Variants in CACNB2 observed in about 807,000 individuals in gnomAD.
CACNB2 encodes voltage-dependent L-type calcium channel subunit beta-2.
Under a neutral mutation model 73.3 loss-of-function variants are expected in CACNB2, and 42 were observed. The ratio of observed to expected loss-of-function variants is 0.57; its 90% CI spans 0.45 to 0.74. The LOEUF (loss-of-function observed/expected upper bound fraction) is 0.74. Ranked by LOEUF, CACNB2 falls within the 30% of genes least tolerant of loss-of-function variation. CACNB2 has a pLI of 0.00. For synonymous variants in CACNB2, 348 were observed against 310.3 expected (o/e 1.12, Z -1.28); for missense variants, 940 against 853.0 (o/e 1.10, Z -1.27).
intron 2 of CACNB2, among the ~76,000 whole-genome samples, chr10:18,394,244 C>T (rs1057280600): frequency 6.6e-6 from 1 of 152,174 alleles, no homozygotes; most frequent in East Asian, 1.9e-4. Flanking sequence ...CCGTGAGCCA[C>T]TGCGCCTGGC....
At chr10:18,295,832 A>G (rs936561675) in intron 2 of CACNB2, among the ~76,000 whole-genome samples, 2 of 152,134 alleles carry the variant, frequency 1.3e-5, no homozygotes, top group African/African-American at 4.8e-5. Flanking sequence ...ACTAACAATG[A>G]CAATTAAACA....
At chr10:18,154,738 G>T (rs1273588680) in intron 2 of CACNB2, among the ~76,000 whole-genome samples, 1 of 152,160 alleles carries the variant, frequency 6.6e-6, no homozygotes, top group Admixed American at 6.5e-5. Context: ...AAAGTGCTGG[G>T]ATTACAGACA....
At chr10:18,184,459 A>G (rs1037127919) in intron 2 of CACNB2, among the ~76,000 whole-genome samples, 1 of 152,154 alleles carries the variant, frequency 6.6e-6, no homozygotes, top group African/African-American at 2.4e-5. Flanking sequence ...TTGTATAAGT[A>G]TGGTACCTTT....
At chr10:18,320,146 C>G (rs930325394) in intron 2 of CACNB2, among the ~76,000 whole-genome samples, 2 of 152,120 alleles carry the variant, frequency 1.3e-5, no homozygotes, top group African/African-American at 4.8e-5. Flanking sequence ...TGATATCTCA[C>G]CAGTTCGAAT....
rs1262139101 is a variant in CACNB2, at chr10:18,538,084, G to A, written c.1303-96G>A. The A allele has an allele frequency of 5.3e-6, 6 of 1,122,072 alleles. No individual in the cohort carries two copies. The African/African-American group carries it at 7.6e-5, about 14-fold the overall frequency. The allele number at this position is 1,122,072 out of a possible 1,614,324, so 69.5% of individuals were successfully genotyped here. A position where few individuals can be genotyped will look rare whatever the true frequency, so the allele number is the denominator to read the frequency against. On this transcript the variant is annotated intron_variant, in intron 12 of 13. Coordinates refer to ENST00000324631, the MANE Select transcript of CACNB2 (RefSeq NM_201596.3). ...ATAGAAGCAGGAGCAAGTACAAAGG[G>A]GTGCAGCTCATGAGCCCCTTCCTCC...
At chr10:18,177,193 T>A (rs2033644153) in intron 2 of CACNB2, among the ~76,000 whole-genome samples, 1 of 152,154 alleles carries the variant, frequency 6.6e-6, no homozygotes, top group East Asian at 1.9e-4. Context: ...AAAAAGTGAC[T>A]GAAGCAGATC....
intron 2 of CACNB2, among the ~76,000 whole-genome samples, chr10:18,237,766 A>G (rs890989073): frequency 6.6e-6 from 1 of 152,218 alleles, no homozygotes; most frequent in South Asian, 2.1e-4. Context: ...GCTTTGATTC[A>G]GTGTGATATA....
At chr10:18,336,377 G>C (rs1239537738) in intron 2 of CACNB2, among the ~76,000 whole-genome samples, 2 of 152,202 alleles carry the variant, frequency 1.3e-5, no homozygotes, top group Non-Finnish European at 2.9e-5. Flanking sequence ...CCCACACTTT[G>C]GGAGGCCAAG....
chr10:18,184,663 T>G (rs1327152250), intron 2 of CACNB2, among the ~76,000 whole-genome samples: 8 of 150,508 alleles, frequency 5.3e-5, no homozygotes, highest in Admixed American at 2.6e-4. Flanking sequence ...TTTTTTTTTT[T>G]TTTTTTTTTT....
intron 7 of CACNB2, chr10:18,514,903 C>G: frequency 1.1e-6 from 1 of 928,704 alleles, no homozygotes; most frequent in South Asian, 1.3e-5. Context: ...CTTATGATAT[C>G]CAGATACATA....
intron 1 of CACNB2, 29 bp from the exon 2 acceptor site, chr10:18,150,854 T>TC (rs771574530): frequency 8.6e-7 from 1 of 1,158,260 alleles, no homozygotes; most frequent in South Asian, 1.4e-5. Flanking sequence ...ATCTTATTTG[T>TC]CTTTTTTTTT....
chr10:18,253,979 C>A (rs1311509322), intron 2 of CACNB2, among the ~76,000 whole-genome samples: 2 of 152,142 alleles, frequency 1.3e-5, no homozygotes, highest in Admixed American at 6.5e-5. Flanking sequence ...AAATTTACAT[C>A]ATACGAAGCT....
chr10:18,437,348 G>C (rs2046187840), intron 3 of CACNB2, among the ~76,000 whole-genome samples: 1 of 147,944 alleles, frequency 6.8e-6, no homozygotes, highest in South Asian at 2.2e-4. Context: ...AGAGGTTATG[G>C]GCATGGACCC....
chr10:18,334,983 C>G (rs1006752386), intron 2 of CACNB2, among the ~76,000 whole-genome samples: 3 of 151,884 alleles, frequency 2.0e-5, no homozygotes, highest in Non-Finnish European at 4.4e-5. Context: ...GAAAATATAA[C>G]CAGAAAAATT....
At chr10:18,219,379 G>T (rs1222741860) in intron 2 of CACNB2, among the ~76,000 whole-genome samples, 1 of 152,220 alleles carries the variant, frequency 6.6e-6, no homozygotes, top group Admixed American at 6.5e-5. Flanking sequence ...TGATAATTCA[G>T]TTTCCATGTG....
chr10:18,308,356 T>C (rs1422109452), intron 2 of CACNB2, among the ~76,000 whole-genome samples: 3 of 152,110 alleles, frequency 2.0e-5, no homozygotes, highest in African/African-American at 7.2e-5. Flanking sequence ...GTTTGCTGTA[T>C]AGGGAAGGAT....
chr10:18,514,379 A>T lies in CACNB2; in HGVS notation c.804+10A>T. The T allele has an allele frequency of 6.2e-7, 1 of 1,614,122 alleles. No individual in the cohort carries two copies. Among genetic ancestry groups the T allele is most frequent in the Non-Finnish European group, 8.5e-7 (1 of 1,180,018 alleles). ...GCCCTTCTTTAAGAAGGTAACATTA[A>T]CTTCCAAGCTCCCATTGTCCACCTG... On this transcript the variant is annotated intron_variant, in intron 7 of 13. Coordinates refer to ENST00000324631, the MANE Select transcript of CACNB2 (RefSeq NM_201596.3).
intron 2 of CACNB2, among the ~76,000 whole-genome samples, chr10:18,362,134 G>T (rs973071547): frequency 6.6e-6 from 1 of 152,186 alleles, no homozygotes; most frequent in South Asian, 2.1e-4. Flanking sequence ...TTAACACTCA[G>T]TTTATCTAGC....
At chr10:18,487,130 C>A (rs1036303319) in intron 3 of CACNB2, among the ~76,000 whole-genome samples, 1 of 152,098 alleles carries the variant, frequency 6.6e-6, no homozygotes, top group Admixed American at 6.5e-5. Context: ...TGCTGGCCAG[C>A]CCACCCTAAT....
Sources: gnomAD v4.1 joint callset for allele counts (sites outside exome capture counted in the v4.1 genomes callset) on GRCh38, gnomAD v4.1.1 for gene constraint, MANE v1.5 for transcripts, NCBI Gene and HGNC (gene_info 2026-07-23, HGNC 2026-07-21) for gene names.